The following NSD1 variants were observed in gnomAD, a reference collection of about 807,000 sequenced individuals.
NSD1 encodes the protein histone-lysine N-methyltransferase, H3 lysine-36 specific.
A neutral mutation model predicts 242.7 loss-of-function variants in NSD1; 26 were observed. That is an observed-to-expected ratio of 0.11 (90% CI 0.08 to 0.15). NSD1 has a LOEUF of 0.15. Among genes scored for constraint, NSD1 ranks in the 10% least tolerant of loss-of-function variants. The pLI is 1.00. For missense variants in NSD1, 2,495 were observed against 3,272.8 expected, an observed-to-expected ratio of 0.76 and a Z score of 5.80; for synonymous variants, 1,106 against 1,178.1, an observed-to-expected ratio of 0.94 and a Z score of 1.25.
At chr5:177,275,578 C>T (rs1288632598) in intron 17 of NSD1, among the ~76,000 whole-genome samples, 7 of 150,718 alleles carry the variant, frequency 4.6e-5, no homozygotes, top group Non-Finnish European at 8.9e-5. Context: ...GGACTACAGG[C>T]GCCCGCCACC....
intron 4 of NSD1, 86 bp from the exon 5 acceptor site, chr5:177,209,549 TA>T (rs1417667748): frequency 3.4e-3 from 2,477 of 719,508 alleles, no homozygotes; most frequent in Middle Eastern, 4.7e-3. Context: ...AAAAAAGGAA[TA>T]AAAAAAAAAG....
chr5:177,241,924 C>T (rs1765903870), intron 8 of NSD1, among the ~76,000 whole-genome samples: 1 of 152,136 alleles, frequency 6.6e-6, no homozygotes, highest in Admixed American at 6.5e-5. Flanking sequence ...TCTGGTAGTG[C>T]TTTAAGGGTA....
rs1375535048 is a variant in NSD1 at position 177,265,273 on chromosome 5, C to A, written c.5147-2289C>A. ...TTAAAAAAAATAAAAGACCTCTGGA[C>A]TGTTAAAAAAAAAAAGCAAAAGTCA... is the stretch of plus-strand genomic sequence containing the variant. On this transcript the variant is annotated intron_variant, in intron 14 of 22. Coordinates refer to ENST00000439151, the MANE Select transcript of NSD1 (RefSeq NM_022455.5). 4 of 692,764 alleles carry A rather than the reference C, an allele frequency of 5.8e-6. No homozygotes were observed. In the South Asian group the frequency reaches 6.2e-5, roughly 11 times the overall value. The allele number at this position is 692,764 out of a possible 1,614,324, so 42.9% of individuals were successfully genotyped here.
intron 2 of NSD1, among the ~76,000 whole-genome samples, chr5:177,157,321 G>T (rs983810933): frequency 2.0e-5 from 3 of 152,028 alleles, no homozygotes. Flanking sequence ...AGCGGAGATC[G>T]TGCTGTTGCA....
chr5:177,232,754 T>G (rs886719559), intron 5 of NSD1, among the ~76,000 whole-genome samples: 1 of 152,244 alleles, frequency 6.6e-6, no homozygotes, highest in Admixed American at 6.5e-5. Context: ...TATAAAGATT[T>G]TGTTGAACTT....
intron 5 of NSD1, among the ~76,000 whole-genome samples, chr5:177,216,192 T>A (rs10058224): frequency 1.3e-5 from 2 of 152,212 alleles, no homozygotes; most frequent in Non-Finnish European, 2.9e-5. Context: ...TTGTTATTTT[T>A]AAAAAATGAG....
chr5:177,251,649 T>G, intron 11 of NSD1, 81 bp from the exon 12 acceptor site: 2 of 1,470,886 alleles, frequency 1.4e-6, no homozygotes, highest in Non-Finnish European at 1.9e-6. Flanking sequence ...TAACCTTTGT[T>G]TACTTTAACC....
At chr5:177,188,803 T>A (rs1761443324) in intron 2 of NSD1, among the ~76,000 whole-genome samples, 1 of 152,162 alleles carries the variant, frequency 6.6e-6, no homozygotes, top group African/African-American at 2.4e-5. Flanking sequence ...AGCATAATTT[T>A]TTTAAACAGA....
intron 4 of NSD1, among the ~76,000 whole-genome samples, chr5:177,207,216 A>G (rs151299235): frequency 0.026 from 3,925 of 151,928 alleles, 52 homozygotes; most frequent in African/African-American, 0.03. Context: ...TCAAAATGCT[A>G]GGATTACAGG....
intron 16 of NSD1, among the ~76,000 whole-genome samples, chr5:177,270,659 T>C (rs1757876290): frequency 6.6e-6 from 1 of 152,186 alleles, no homozygotes; most frequent in Non-Finnish European, 1.5e-5. Context: ...ATTGTTAACA[T>C]GAGGAGCATC....
intron 2 of NSD1, among the ~76,000 whole-genome samples, chr5:177,189,001 C>T (rs1212387246): frequency 6.6e-6 from 1 of 152,018 alleles, no homozygotes; most frequent in Non-Finnish European, 1.5e-5. Context: ...GAAGATTGCA[C>T]CATTGCACTC....
chr5:177,159,706 C>T (rs1758578931), intron 2 of NSD1, among the ~76,000 whole-genome samples: 1 of 151,450 alleles, frequency 6.6e-6, no homozygotes, highest in South Asian at 2.1e-4. Context: ...AGCAATTCTG[C>T]CTCAGCCTCC....
chr5:177,281,350 TA>T (rs58516198), intron 18 of NSD1, among the ~76,000 whole-genome samples: 21 of 145,508 alleles, frequency 1.4e-4, no homozygotes, highest in African/African-American at 2.3e-4. Flanking sequence ...TTTTTTTTAA[TA>T]AAATAAGCCT....
chr5:177,241,345 A>C (rs1765848236), intron 8 of NSD1, among the ~76,000 whole-genome samples: 1 of 151,130 alleles, frequency 6.6e-6, no homozygotes, highest in South Asian at 2.1e-4. Context: ...AATAATACAA[A>C]AAAAAAAAAA....
intron 2 of NSD1, among the ~76,000 whole-genome samples, chr5:177,158,293 CTTTCTTTCTTTT>C (rs1166160170): frequency 5.1e-5 from 4 of 77,674 alleles, no homozygotes; most frequent in African/African-American, 1.9e-4. Context: ...TTCTTTCTTT[CTTTCTTTCTTTT>C]CTTTCTTTTC....
At chr5:177,256,387 ATCC>A (rs376257966) in intron 12 of NSD1, among the ~76,000 whole-genome samples, 205 of 149,652 alleles carry the variant, frequency 1.4e-3, no homozygotes, top group African/African-American at 4.9e-3. Flanking sequence ...GGCTCAAGCA[ATCC>A]TCCTGCCTCA....
At chr5:177,147,700 C>T (rs1405640643) in intron 2 of NSD1, among the ~76,000 whole-genome samples, 2 of 151,934 alleles carry the variant, frequency 1.3e-5, no homozygotes, top group African/African-American at 2.4e-5. Flanking sequence ...AGCGATTCTC[C>T]TGCCTCAGCC....
At chr5:177,192,674 G>C (rs1165168252) in intron 3 of NSD1, among the ~76,000 whole-genome samples, 1 of 152,198 alleles carries the variant, frequency 6.6e-6, no homozygotes. Flanking sequence ...GAGATTACAG[G>C]CATGAGCCCT....
chr5:177,198,287 A>G (rs192173801), intron 3 of NSD1, among the ~76,000 whole-genome samples: 13 of 152,216 alleles, frequency 8.5e-5, no homozygotes. Context: ...TGGCCTCCCA[A>G]CGTGCTGAGA....
Sources: allele counts gnomAD v4.1 joint callset (sites outside exome capture counted in the v4.1 genomes callset), GRCh38; gene constraint gnomAD v4.1.1; transcripts MANE v1.5; gene names NCBI Gene and HGNC (gene_info 2026-07-23, HGNC 2026-07-21).